Variants in MYO1D observed in about 807,000 individuals in gnomAD.
The protein encoded by MYO1D is myosin ID, also known as unconventional myosin-Id.
Under a neutral mutation model 122.0 loss-of-function variants are expected in MYO1D, and 83 were observed. The ratio of observed to expected loss-of-function variants is 0.68; its 90% confidence interval spans 0.57 to 0.82. MYO1D has a LOEUF of 0.82. MYO1D is among the 40% of genes least tolerant of loss of function. The probability of loss-of-function intolerance (pLI) is 0.00; values close to 1 mark genes in which losing one functional copy is unlikely to be tolerated. For missense variants in MYO1D, 1,157 were observed against 1,269.5 expected (o/e 0.91, Z 1.35); for synonymous variants, 464 against 446.9 (o/e 1.04, Z -0.48).
Position 32,667,028 on chromosome 17 carries a change from T to C in MYO1D, c.2122-7690A>G, listed in dbSNP as rs571029918. On this transcript the variant is annotated intron_variant, in intron 16 of 21. Transcript: ENST00000318217. The stretch of plus-strand genomic sequence containing the variant: ...CATTGAGATAAGTCTACATAACCCA[T>C]ATGGTTATTTGGGCAGAGTTCTGAC... 2.1e-4 allele frequency among the ~76,000 whole-genome samples: 32 copies of C among 152,334 alleles called. 1 individual carries two copies. In the South Asian group the frequency reaches 5.8e-3, roughly 28 times the overall value.
At chr17:32,672,620 G>C (rs2088737878) in intron 16 of MYO1D, among the ~76,000 whole-genome samples, 1 of 151,876 alleles carries the variant, frequency 6.6e-6, no homozygotes, top group African/African-American at 2.4e-5. Flanking sequence ...TGAGTAGCTG[G>C]GATTATAGGC....
At chr17:32,771,696 G>A (rs1285829719) in intron 5 of MYO1D, among the ~76,000 whole-genome samples, 2 of 152,114 alleles carry the variant, frequency 1.3e-5, no homozygotes, top group Non-Finnish European at 2.9e-5. Flanking sequence ...GTACCTCTCA[G>A]GAAAAGAGGA....
intron 13 of MYO1D, among the ~76,000 whole-genome samples, chr17:32,744,411 A>G (rs935356685): frequency 6.6e-6 from 1 of 152,170 alleles, no homozygotes; most frequent in Non-Finnish European, 1.5e-5. Context: ...CTTGTCACAA[A>G]CTGAAAGTTG....
chr17:32,570,054 T>C (rs1287523146), intron 21 of MYO1D, among the ~76,000 whole-genome samples: 1 of 152,200 alleles, frequency 6.6e-6, no homozygotes, highest in Non-Finnish European at 1.5e-5. Context: ...CCTCTGCTGG[T>C]CTTTACAAAC....
chr17:32,654,377 A>T (rs1197825258), intron 18 of MYO1D, 100 bp downstream of exon 18: 2 of 1,301,634 alleles, frequency 1.5e-6, no homozygotes, highest in African/African-American at 3.0e-5. Context: ...TTTAGTTTCT[A>T]AAAGTGTTTT....
intron 19 of MYO1D, among the ~76,000 whole-genome samples, chr17:32,647,315 G>A (rs940124995): frequency 6.6e-6 from 1 of 152,216 alleles, no homozygotes; most frequent in African/African-American, 2.4e-5. Context: ...TTACGCTGGC[G>A]TAGCCTTGGG....
chr17:32,802,334 G>C (rs2090468119), intron 1 of MYO1D, among the ~76,000 whole-genome samples: 1 of 152,182 alleles, frequency 6.6e-6, no homozygotes, highest in African/African-American at 2.4e-5. Flanking sequence ...TAACAGTTTG[G>C]ATGCAGAGAC....
At chr17:32,561,335 A>T (rs1567890602) in intron 21 of MYO1D, among the ~76,000 whole-genome samples, 1 of 148,922 alleles carries the variant, frequency 6.7e-6, no homozygotes, top group African/African-American at 2.5e-5. Flanking sequence ...TTTTGCTTCA[A>T]TTTTTTTCCA....
At position 32,494,810 on chromosome 17, in the gene MYO1D, G is replaced by C; in HGVS notation, c.2970C>G (p.Pro990=). The change falls in exon 22 of 22, where the codon CCC becomes CCG. Residue 990 remains proline, a synonymous_variant. Transcript: ENST00000318217. ...SVETRLNQPQ[P]DFTKNRSGFI... ...AGCCCGAGCGATTCTTGGTGAAGTC[G>C]GGCTGGGGCTGGTTGAGCCGCGTCT... 6.2e-7 allele frequency: 1 copy of C among 1,613,380 alleles called. No individual in the cohort carries two copies. Among genetic ancestry groups the C allele is most frequent in the Non-Finnish European group, 8.5e-7 (1 of 1,179,700 alleles).
At chr17:32,557,882 T>C (rs1437535730) in intron 21 of MYO1D, among the ~76,000 whole-genome samples, 1 of 152,008 alleles carries the variant, frequency 6.6e-6, no homozygotes, top group Non-Finnish European at 1.5e-5. Flanking sequence ...CCACGCTCAT[T>C]CATTTATGTC....
At chr17:32,723,728 A>T (rs2089539053) in intron 14 of MYO1D, among the ~76,000 whole-genome samples, 1 of 152,168 alleles carries the variant, frequency 6.6e-6, no homozygotes. Context: ...CAGGCACGCC[A>T]TTTGAGTGAG....
intron 1 of MYO1D, among the ~76,000 whole-genome samples, chr17:32,821,449 G>A (rs1001835392): frequency 2.6e-5 from 4 of 151,840 alleles, no homozygotes; most frequent in Non-Finnish European, 5.9e-5. Flanking sequence ...TTACAAATAA[G>A]GATGAAGTAA....
chr17:32,723,875 T>C (rs1263718777), intron 14 of MYO1D, among the ~76,000 whole-genome samples: 2 of 152,168 alleles, frequency 1.3e-5, no homozygotes, highest in Non-Finnish European at 1.5e-5. Context: ...TATGGATTGA[T>C]AGATAACTTA....
intron 14 of MYO1D, among the ~76,000 whole-genome samples, chr17:32,727,992 T>C (rs117403951): frequency 0.024 from 3,635 of 152,260 alleles, 51 homozygotes; most frequent in Non-Finnish European, 0.036. Flanking sequence ...ACCAGGAAGA[T>C]ATAACAGTTC....
intron 21 of MYO1D, chr17:32,510,161 T>C (rs1366967507): frequency 6.6e-6 from 1 of 152,228 alleles, no homozygotes; most frequent in Non-Finnish European, 1.5e-5. Context: ...AGGGCAACTG[T>C]CTCCTCAACA....
intron 21 of MYO1D, among the ~76,000 whole-genome samples, chr17:32,525,481 A>G (rs1427855818): frequency 6.6e-6 from 1 of 151,484 alleles, no homozygotes; most frequent in Non-Finnish European, 1.5e-5. Flanking sequence ...ATAACCAAGA[A>G]CTTTTTTTTT....
At position 32,825,268 on chromosome 17, in the gene MYO1D, T is replaced by C. The variant is rs986903858; in HGVS notation, c.96-44484A>G. Among the ~76,000 whole-genome samples, 5 of 152,234 alleles carry C rather than the reference T, an allele frequency of 3.3e-5. No individual in the cohort carries two copies. The South Asian group carries it at 6.2e-4, about 19-fold the overall frequency. ...TTATTATTTCAGGATGATTTTTCAT[T>C]TCTTTTTCTTTTTTCTTTATCTTAT... On this transcript the variant is annotated intron_variant, in intron 1 of 21. Coordinates refer to ENST00000318217, the MANE Select transcript of MYO1D (RefSeq NM_015194.3).
At position 32,714,759 on chromosome 17, in the gene MYO1D, TG is replaced by T. The variant is rs1195107917; in HGVS notation, c.1914-2565del. On this transcript the variant is annotated intron_variant, in intron 15 of 21. Transcript: ENST00000318217. ...GGCAATACCATTCAGGATACAGGCA[TG>T]GGCAAAGACTTCATGATGAAATCAC... Among the ~76,000 whole-genome samples, 6 of 152,252 alleles carry T rather than the reference TG, an allele frequency of 3.9e-5. No individual in the cohort carries two copies. In the East Asian group the frequency reaches 1.2e-3, roughly 29 times the overall value.
chr17:32,582,365 T>G (rs1480569968), intron 21 of MYO1D, among the ~76,000 whole-genome samples: 5 of 152,254 alleles, frequency 3.3e-5, no homozygotes, highest in Non-Finnish European at 1.5e-5. Context: ...TGTTATTGTT[T>G]TCATATTCAT....
Sources: gnomAD v4.1 joint callset for allele counts (sites outside exome capture counted in the v4.1 genomes callset) on GRCh38, gnomAD v4.1.1 for gene constraint, MANE v1.5 for transcripts, NCBI Gene and HGNC (gene_info 2026-07-23, HGNC 2026-07-21) for gene names.